OSBPL6: variants seen among roughly 807,000 people sequenced by gnomAD.
The protein encoded by OSBPL6 is oxysterol binding protein like 6, also known as oxysterol-binding protein-related protein 6.
In OSBPL6, 49 loss-of-function variants were observed where a neutral mutation model predicts 125.8. The ratio of observed to expected loss-of-function variants is 0.39; its 90% CI spans 0.31 to 0.49. The LOEUF (loss-of-function observed/expected upper bound fraction) is 0.49. Ranked by LOEUF, OSBPL6 falls within the 20% of genes least tolerant of loss-of-function variation. OSBPL6 has a pLI of 0.88. For synonymous variants in OSBPL6, 394 were observed against 391.8 expected, an observed-to-expected ratio of 1.01 and a Z score of -0.07; for missense variants, 986 against 1,135.4, an observed-to-expected ratio of 0.87 and a Z score of 1.89.
At chr2:178,214,385 A>C (rs2089996155) in intron 1 of OSBPL6, among the ~76,000 whole-genome samples, 1 of 152,180 alleles carries the variant, frequency 6.6e-6, no homozygotes. Context: ...GAGAAACACA[A>C]CCAATAGAAG....
chr2:178,328,156 C>A (rs1157987823), intron 4 of OSBPL6, 100 bp from the exon 5 acceptor site: 6 of 1,483,188 alleles, frequency 4.0e-6, no homozygotes, highest in East Asian at 2.3e-5. Flanking sequence ...TTCTGGTGGG[C>A]CTAGTACTGC....
At chr2:178,266,163 G>C (rs1474558145) in intron 1 of OSBPL6, among the ~76,000 whole-genome samples, 1 of 152,192 alleles carries the variant, frequency 6.6e-6, no homozygotes, top group Non-Finnish European at 1.5e-5. Context: ...GAAGGAAGCA[G>C]GGGCAGATCA....
At chr2:178,350,705 A>G (rs1691174271) in intron 12 of OSBPL6, among the ~76,000 whole-genome samples, 1 of 152,194 alleles carries the variant, frequency 6.6e-6, no homozygotes. Flanking sequence ...ATGATATTAG[A>G]CTAGAGCAAT....
At chr2:178,364,224 C>T (rs550319895) in intron 13 of OSBPL6, among the ~76,000 whole-genome samples, 2 of 152,296 alleles carry the variant, frequency 1.3e-5, no homozygotes, top group East Asian at 3.9e-4. Flanking sequence ...TAGGCAAGAA[C>T]CAGCTCATCA....
At chr2:178,256,615 G>A (rs2091894869) in intron 1 of OSBPL6, among the ~76,000 whole-genome samples, 2 of 152,194 alleles carry the variant, frequency 1.3e-5, no homozygotes, top group Admixed American at 1.3e-4. Context: ...TTTCATGGCA[G>A]AGCTGAAATG....
Position 178,349,212 on chromosome 2 carries a change from T to C in OSBPL6, c.988-12T>C, listed in dbSNP as rs377476413. 87 of 1,613,270 alleles carry C rather than the reference T, an allele frequency of 5.4e-5. No individual in the cohort carries two copies. Among genetic ancestry groups the C allele is most frequent in the Admixed American group, 8.3e-5 (5 of 59,992 alleles). On this transcript the variant is annotated splice_polypyrimidine_tract_variant and intron_variant, in intron 11 of 24. Transcript: ENST00000190611. ...CTGTTGCTGTTTAATAATTTGTATC[T>C]TCCCCTTTCAGGTTCCTTTCAGTGC...
At chr2:178,351,306 C>T (rs1691233163) in intron 12 of OSBPL6, among the ~76,000 whole-genome samples, 1 of 151,968 alleles carries the variant, frequency 6.6e-6, no homozygotes, top group Non-Finnish European at 1.5e-5. Flanking sequence ...GTAAAATGAT[C>T]TCTATTTGCA....
At chr2:178,344,872 C>T (rs1350816317) in intron 11 of OSBPL6, among the ~76,000 whole-genome samples, 1 of 151,962 alleles carries the variant, frequency 6.6e-6, no homozygotes. Flanking sequence ...CCAAGTTACA[C>T]TTAGCAAGGG....
At chr2:178,229,906 C>G (rs1388164989) in intron 1 of OSBPL6, among the ~76,000 whole-genome samples, 1 of 152,214 alleles carries the variant, frequency 6.6e-6, no homozygotes, top group East Asian at 1.9e-4. Context: ...GCCCAGTCAT[C>G]TGAGTTAAAG....
intron 11 of OSBPL6, among the ~76,000 whole-genome samples, chr2:178,340,222 T>A (rs1690083663): frequency 6.6e-6 from 1 of 152,062 alleles, no homozygotes; most frequent in South Asian, 2.1e-4. Context: ...CAGATTCTAG[T>A]CTAATCACTG....
In OSBPL6 at chr2:178,344,512, CTT is replaced by C. The variant is rs781055091; in HGVS notation, c.988-4710_988-4709del. On this transcript the variant is annotated intron_variant, in intron 11 of 24. Coordinates refer to ENST00000190611, the MANE Select transcript of OSBPL6 (RefSeq NM_032523.4). Reference sequence around the variant, plus strand: ...TAGCTTTCACATGTTCTCTGGCTGTCTTTGCATGGCAGGAGTCGAACACGGGT... The same window carrying C: ...TAGCTTTCACATGTTCTCTGGCTGTCTGCATGGCAGGAGTCGAACACGGGT... 2.2e-4 allele frequency: 152 copies of C among 681,450 alleles called. 1 individual carries two copies. In the Admixed American group the frequency reaches 3.7e-3, roughly 17 times the overall value. The allele number at this position is 681,450 out of a possible 1,614,324, so 42.2% of individuals were successfully genotyped here. A position where few individuals can be genotyped will look rare whatever the true frequency, so the allele number is the denominator to read the frequency against.
At chr2:178,343,581 A>G (rs767927073) in intron 11 of OSBPL6, among the ~76,000 whole-genome samples, 1 of 152,142 alleles carries the variant, frequency 6.6e-6, no homozygotes, top group African/African-American at 2.4e-5. Context: ...AATGAAAACT[A>G]TGCTTTCAGG....
chr2:178,212,313 C>T (rs1383664100), intron 1 of OSBPL6, among the ~76,000 whole-genome samples: 25 of 152,142 alleles, frequency 1.6e-4, no homozygotes, highest in Admixed American at 1.6e-3. Flanking sequence ...AGTCACTGAG[C>T]CTGCGCTAAT....
chr2:178,385,549 CA>C, intron 19 of OSBPL6, 28 bp downstream of exon 19: 1 of 1,505,062 alleles, frequency 6.6e-7, no homozygotes, highest in Non-Finnish European at 9.2e-7. Flanking sequence ...AATTTAAAAT[CA>C]AATGTATGAG....
chr2:178,291,661 A>G (rs1174717059), intron 2 of OSBPL6, among the ~76,000 whole-genome samples: 4 of 114,372 alleles, frequency 3.5e-5, no homozygotes, highest in Non-Finnish European at 7.8e-5. Flanking sequence ...AGGAACAGGT[A>G]GTCTCTTCCT....
chr2:178,269,506 A>G (rs2154023832), intron 1 of OSBPL6, among the ~76,000 whole-genome samples: 1 of 152,346 alleles, frequency 6.6e-6, no homozygotes, highest in South Asian at 2.1e-4. Context: ...CATTTTCCCA[A>G]CAGCAATGTA....
chr2:178,362,573 A>G (rs1033365601), intron 13 of OSBPL6, among the ~76,000 whole-genome samples: 5 of 152,088 alleles, frequency 3.3e-5, no homozygotes, highest in African/African-American at 1.2e-4. Flanking sequence ...GTCTATATAA[A>G]ATATTATTCA....
In OSBPL6 at chr2:178,384,029, G is replaced by A. The variant is rs368851474; in HGVS notation, c.1876-10G>A. The A allele has an allele frequency of 4.3e-6, 7 of 1,613,018 alleles. No homozygotes were observed. The African/African-American group carries it at 8.0e-5, about 18-fold the overall frequency. ...CCTATATTATTCCCTTTTCTTCAAT[G>A]TTTTAACAGGTTCTCGTTGCCGCAT... On this transcript the variant is annotated splice_polypyrimidine_tract_variant and intron_variant, in intron 17 of 24. Coordinates refer to ENST00000190611, the MANE Select transcript of OSBPL6 (RefSeq NM_032523.4).
intron 2 of OSBPL6, among the ~76,000 whole-genome samples, chr2:178,304,033 G>A (rs1257877821): frequency 6.6e-6 from 1 of 152,068 alleles, no homozygotes; most frequent in Non-Finnish European, 1.5e-5. Flanking sequence ...CCCAAGACTG[G>A]GTAAGTTATA....
Sources: gnomAD v4.1 joint callset for allele counts (sites outside exome capture counted in the v4.1 genomes callset) on GRCh38, gnomAD v4.1.1 for gene constraint, MANE v1.5 for transcripts, NCBI Gene and HGNC (gene_info 2026-07-23, HGNC 2026-07-21) for gene names.